CLINT1: variants seen among roughly 807,000 people sequenced by gnomAD.
CLINT1 encodes clathrin interacting protein localized in the trans-Golgi region.
Under a neutral mutation model 70.4 loss-of-function variants are expected in CLINT1, and 15 were observed. That is an observed-to-expected ratio of 0.21 (90% CI 0.14 to 0.33). CLINT1 has a LOEUF of 0.33. Ranked by LOEUF, CLINT1 falls within the 10% of genes least tolerant of loss-of-function variation. The pLI is 1.00. For synonymous variants in CLINT1, 227 were observed against 254.7 expected (o/e 0.89, Z 1.04); for missense variants, 615 against 778.1 (o/e 0.79, Z 2.49).
chr5:157,819,420 C>A (rs558249971), intron 1 of CLINT1, among the ~76,000 whole-genome samples: 2 of 152,162 alleles, frequency 1.3e-5, no homozygotes, highest in African/African-American at 2.4e-5. Context: ...GCCCACCCCC[C>A]CTTAAAAATG....
At chr5:157,848,291 T>G (rs1208860264) in intron 1 of CLINT1, among the ~76,000 whole-genome samples, 1 of 151,038 alleles carries the variant, frequency 6.6e-6, no homozygotes, top group Non-Finnish European at 1.5e-5. Flanking sequence ...GAGATGGGGT[T>G]TCACCACATT....
chr5:157,850,612 C>CA (rs67243040), intron 1 of CLINT1, among the ~76,000 whole-genome samples: 3,058 of 60,338 alleles, frequency 0.051, 187 homozygotes, highest in African/African-American at 0.094. Context: ...GACCCTGTCT[C>CA]AAAAAAAAAA....
At chr5:157,802,501 T>A (rs1762255576) in intron 8 of CLINT1, among the ~76,000 whole-genome samples, 1 of 151,512 alleles carries the variant, frequency 6.6e-6, no homozygotes. Flanking sequence ...ATCTCATCTA[T>A]GAGAAATTCA....
intron 1 of CLINT1, among the ~76,000 whole-genome samples, chr5:157,838,696 T>C (rs1763516124): frequency 6.6e-6 from 1 of 152,192 alleles, no homozygotes; most frequent in Non-Finnish European, 1.5e-5. Context: ...AGTTGCAATA[T>C]AACAGAACTA....
chr5:157,806,224 T>C lies in CLINT1; in HGVS notation c.696-112A>G, dbSNP rs1762379285. Reference sequence around the variant, plus strand: ...ATACAGTAACTCCAAAATTTCATACTTTGACTACTTGACAGGGATCAACAG... The same window carrying C: ...ATACAGTAACTCCAAAATTTCATACCTTGACTACTTGACAGGGATCAACAG... On this transcript the variant is annotated intron_variant, in intron 6 of 11. Coordinates refer to ENST00000411809, the MANE Select transcript of CLINT1 (RefSeq NM_014666.4). 3.8e-6 allele frequency: 4 copies of C among 1,046,122 alleles called. No individual in the cohort carries two copies. In the South Asian group the frequency reaches 6.6e-5, roughly 17 times the overall value. 64.8% of individuals were successfully genotyped at this position (1,046,122 alleles called of 1,614,324 possible).
At chr5:157,832,927 C>A (rs1352128076) in intron 1 of CLINT1, among the ~76,000 whole-genome samples, 1 of 152,186 alleles carries the variant, frequency 6.6e-6, no homozygotes, top group East Asian at 1.9e-4. Flanking sequence ...AGCTTTGTAA[C>A]TAGTCTCTCT....
Position 157,817,566 on chromosome 5 carries a change from C to G in CLINT1, c.42-19G>C, listed in dbSNP as rs1414303770. The G allele has an allele frequency of 1.4e-6, 2 of 1,466,868 alleles. No homozygotes were observed. Among genetic ancestry groups the G allele is most frequent in the Middle Eastern group, 1.7e-4 (1 of 5,792 alleles). The allele number at this position is 1,466,868 out of a possible 1,614,324, so 90.9% of individuals were successfully genotyped here. A position where few individuals can be genotyped will look rare whatever the true frequency, so the allele number is the denominator to read the frequency against. ...ATTGGTGCTGTAGAGGAAAAAAATG[C>G]ACGCACACATGCACAAAGATTAGCA... On this transcript the variant is annotated intron_variant, in intron 1 of 11. Coordinates refer to ENST00000411809, the MANE Select transcript of CLINT1 (RefSeq NM_014666.4).
chr5:157,796,887 CATATATATATAT>C (rs71665669), intron 8 of CLINT1, among the ~76,000 whole-genome samples: 3 of 148,034 alleles, frequency 2.0e-5, no homozygotes, highest in Admixed American at 1.4e-4. Context: ...CTCATACATA[CATATATATATAT>C]ATATATATCT....
At chr5:157,794,807 G>A in intron 9 of CLINT1, 91 bp downstream of exon 9, 1 of 906,308 alleles carries the variant, frequency 1.1e-6, no homozygotes, top group Non-Finnish European at 1.7e-6. Context: ...GGAGAAAAAT[G>A]ACAGAAAGAA....
intron 1 of CLINT1, among the ~76,000 whole-genome samples, chr5:157,831,326 C>T (rs1763237765): frequency 6.6e-6 from 1 of 151,766 alleles, no homozygotes; most frequent in South Asian, 2.1e-4. Flanking sequence ...GTAGCTGGGA[C>T]TACAGGCGCA....
At chr5:157,792,051 G>GT (rs1761930022) in intron 9 of CLINT1, 56 bp from the exon 10 acceptor site, 1 of 1,475,944 alleles carries the variant, frequency 6.8e-7, no homozygotes, top group Non-Finnish European at 9.2e-7. Context: ...CAGAACAAAT[G>GT]TAACAATCTA....
At chr5:157,794,867 T>A (rs1762019927) in intron 9 of CLINT1, 31 bp downstream of exon 9, 1 of 1,526,100 alleles carries the variant, frequency 6.6e-7, no homozygotes, top group Non-Finnish European at 8.9e-7. Flanking sequence ...TTTACCACCC[T>A]AGACTTCTGG....
At chr5:157,832,587 T>C (rs902749435) in intron 1 of CLINT1, among the ~76,000 whole-genome samples, 1 of 151,308 alleles carries the variant, frequency 6.6e-6, no homozygotes, top group African/African-American at 2.5e-5. Context: ...TTCTGAGGTA[T>C]CTTCTTTTCA....
chr5:157,848,065 C>T (rs184485549), intron 1 of CLINT1, among the ~76,000 whole-genome samples: 127 of 152,190 alleles, frequency 8.3e-4, no homozygotes, highest in Admixed American at 2.8e-3. Flanking sequence ...CCTTGAACTC[C>T]CAAAGTACTG....
intron 1 of CLINT1, among the ~76,000 whole-genome samples, chr5:157,847,729 T>G (rs575540326): frequency 2.6e-5 from 4 of 152,280 alleles, no homozygotes; most frequent in Admixed American, 6.5e-5. Flanking sequence ...AATGATGAGT[T>G]GCTTCTTCTA....
At chr5:157,807,269 C>A (rs1324787843) in intron 6 of CLINT1, among the ~76,000 whole-genome samples, 3 of 152,034 alleles carry the variant, frequency 2.0e-5, no homozygotes, top group Non-Finnish European at 4.4e-5. Flanking sequence ...TTTTAAGGAA[C>A]CTACAAGTTC....
At chr5:157,800,005 C>CT (rs1762165398) in intron 8 of CLINT1, among the ~76,000 whole-genome samples, 2 of 152,014 alleles carry the variant, frequency 1.3e-5, no homozygotes, top group Non-Finnish European at 2.9e-5. Context: ...AATTATTTTT[C>CT]ATTTCTTAAA....
intron 10 of CLINT1, among the ~76,000 whole-genome samples, chr5:157,791,249 T>C (rs254684): frequency 6.6e-6 from 1 of 152,020 alleles, no homozygotes; most frequent in Non-Finnish European, 1.5e-5. Flanking sequence ...TAGTAGAGAC[T>C]GGGTTTCACC....
At chr5:157,850,266 C>T (rs1008706961) in intron 1 of CLINT1, among the ~76,000 whole-genome samples, 1 of 152,112 alleles carries the variant, frequency 6.6e-6, no homozygotes, top group Non-Finnish European at 1.5e-5. Context: ...TAGTGAGAAA[C>T]AGGCCATCCT....
Sources: allele counts gnomAD v4.1 joint callset (sites outside exome capture counted in the v4.1 genomes callset), GRCh38; gene constraint gnomAD v4.1.1; transcripts MANE v1.5; gene names NCBI Gene and HGNC (gene_info 2026-07-23, HGNC 2026-07-21).